RNF216: variants seen among roughly 807,000 people sequenced by gnomAD.
RNF216 encodes ring finger protein 216.
RNF216 carries 72 observed loss-of-function variants against 110.8 expected under a neutral mutation model. That is an observed-to-expected ratio of 0.65 (90% CI 0.54 to 0.79). RNF216 has a LOEUF of 0.79. Among genes scored for constraint, RNF216 ranks in the 30% least tolerant of loss-of-function variants. The probability of loss-of-function intolerance (pLI) is 0.00; values close to 1 mark genes in which losing one functional copy is unlikely to be tolerated. For missense variants in RNF216, 1,342 were observed against 1,141.2 expected (o/e 1.18, Z -2.54); for synonymous variants, 495 against 407.5 (o/e 1.21, Z -2.59).
chr7:5,700,606 T>C (rs985876248), intron 13 of RNF216, among the ~76,000 whole-genome samples: 1 of 152,086 alleles, frequency 6.6e-6, no homozygotes, highest in Non-Finnish European at 1.5e-5. Context: ...AGCTAACTAG[T>C]ACACAAAACC....
intron 1 of RNF216, among the ~76,000 whole-genome samples, chr7:5,762,211 ATTAAAT>A (rs1795971097): frequency 6.6e-6 from 1 of 152,174 alleles, no homozygotes; most frequent in African/African-American, 2.4e-5. Context: ...TTTAAAATAC[ATTAAAT>A]TTAAATATTA....
intron 13 of RNF216, among the ~76,000 whole-genome samples, chr7:5,681,455 G>A (rs1339730120): frequency 6.6e-6 from 1 of 152,210 alleles, no homozygotes; most frequent in Non-Finnish European, 1.5e-5. Flanking sequence ...GCTTCTGGGA[G>A]GAAATCTGTA....
intron 9 of RNF216, among the ~76,000 whole-genome samples, chr7:5,717,208 C>T (rs952776312): frequency 1.2e-4 from 18 of 152,092 alleles, no homozygotes; most frequent in African/African-American, 3.9e-4. Context: ...ACAAAATTAG[C>T]TGGGCATGGT....
At chr7:5,714,618 C>T (rs144222644) in intron 11 of RNF216, among the ~76,000 whole-genome samples, 20 of 152,294 alleles carry the variant, frequency 1.3e-4, no homozygotes, top group South Asian at 6.2e-4. Flanking sequence ...ACCACAAACT[C>T]GGTGGTGTAA....
intron 9 of RNF216, among the ~76,000 whole-genome samples, chr7:5,718,330 G>A (rs1003078825): frequency 1.8e-4 from 28 of 152,222 alleles, no homozygotes; most frequent in East Asian, 5.9e-4. Context: ...GCAGTGAGCC[G>A]AGATCCTGCC....
intron 13 of RNF216, among the ~76,000 whole-genome samples, chr7:5,667,392 C>A (rs1228739566): frequency 6.6e-6 from 1 of 152,136 alleles, no homozygotes; most frequent in African/African-American, 2.4e-5. Flanking sequence ...CACCAAAAGG[C>A]TCATTCTCAC....
At chr7:5,675,150 G>A (rs368278117) in intron 13 of RNF216, among the ~76,000 whole-genome samples, 50 of 152,302 alleles carry the variant, frequency 3.3e-4, no homozygotes, top group African/African-American at 1.1e-3. Flanking sequence ...GAACAATGTA[G>A]TGATTCTGGA....
intron 3 of RNF216, among the ~76,000 whole-genome samples, chr7:5,748,946 G>C (rs1795191410): frequency 6.6e-6 from 1 of 152,020 alleles, no homozygotes; most frequent in African/African-American, 2.4e-5. Flanking sequence ...GTCTATATAT[G>C]CGTTATGTGT....
chr7:5,655,657 A>C (rs1167013763), intron 13 of RNF216, among the ~76,000 whole-genome samples: 12 of 152,182 alleles, frequency 7.9e-5, no homozygotes, highest in Admixed American at 6.5e-4. Context: ...GCTAGATATG[A>C]AACCCACAAT....
At chr7:5,752,754 G>T in intron 3 of RNF216, 92 bp downstream of exon 3, 1 of 1,281,360 alleles carries the variant, frequency 7.8e-7, no homozygotes, top group Non-Finnish European at 1.1e-6. Flanking sequence ...AGTACAAGAG[G>T]TGCTGTTCTA....
intron 13 of RNF216, among the ~76,000 whole-genome samples, chr7:5,670,546 A>G (rs1789838142): frequency 6.6e-6 from 1 of 152,166 alleles, no homozygotes; most frequent in Non-Finnish European, 1.5e-5. Flanking sequence ...AGATTCCATC[A>G]TTTCACAGAA....
At chr7:5,715,736 C>CTTTTTTTT (rs58929486) in intron 10 of RNF216, among the ~76,000 whole-genome samples, 4 of 113,832 alleles carry the variant, frequency 3.5e-5, no homozygotes, top group African/African-American at 9.8e-5. Context: ...CCAACTCATT[C>CTTTTTTTT]TTTTTTTTTT....
intron 15 of RNF216, among the ~76,000 whole-genome samples, chr7:5,638,195 A>G (rs955736845): frequency 6.6e-6 from 1 of 152,204 alleles, no homozygotes; most frequent in Non-Finnish European, 1.5e-5. Context: ...TTCGATGTGA[A>G]AATCTTCCTG....
intron 7 of RNF216, among the ~76,000 whole-genome samples, chr7:5,728,248 C>T (rs1214337734): frequency 1.3e-5 from 2 of 152,172 alleles, no homozygotes; most frequent in Non-Finnish European, 2.9e-5. Context: ...AGGTTGCCTC[C>T]CGTTTTACCC....
In RNF216 at chr7:5,759,108, G is replaced by T. The variant is rs532122584; in HGVS notation, c.67+1895C>A. On this transcript the variant is annotated intron_variant, in intron 2 of 16. Coordinates refer to ENST00000389902, the MANE Select transcript of RNF216 (RefSeq NM_207111.4). ...GTGAGATCTGGTTGTTTAAAAGTGT[G>T]TGGCACCTCTTCCCCAACCCCTCTT... Among the ~76,000 whole-genome samples the T allele has an allele frequency of 4.6e-5, 7 of 152,260 alleles. No homozygotes were observed. In the East Asian group the frequency reaches 1.4e-3, roughly 29 times the overall value.
At position 5,623,010 on chromosome 7, in the gene RNF216, G is replaced by A. The variant is rs1183774006; in HGVS notation, c.2622C>T (p.Asn874=). The change falls in exon 17 of 17, where the codon AAC becomes AAT. Residue 874 remains asparagine, a synonymous_variant. Coordinates refer to ENST00000389902, the MANE Select transcript of RNF216 (RefSeq NM_207111.4). ...TAGGCCCCATGTTGAGTGGGAAGTT[G>A]TTGAACACAGGCCGCACGGGAGGCA... ...FPLPPVRPVF[N]NFPLNMGPIP... 2 of 1,614,138 alleles carry A rather than the reference G, an allele frequency of 1.2e-6. No homozygotes were observed. Among genetic ancestry groups the A allele is most frequent in the South Asian group, 1.1e-5 (1 of 91,082 alleles).
Position 5,741,423 on chromosome 7 carries a change from G to A in RNF216, c.594C>T (p.Asn198=), listed in dbSNP as rs1794751036. The A allele has an allele frequency of 1.2e-6, 2 of 1,614,058 alleles. No homozygotes were observed. Among genetic ancestry groups the A allele is most frequent in the African/African-American group, 1.3e-5 (1 of 74,922 alleles). The change falls in exon 4 of 17, where the codon AAC becomes AAT. Residue 198 remains asparagine (N), a synonymous_variant. Coordinates refer to ENST00000389902, the MANE Select transcript of RNF216 (RefSeq NM_207111.4). ...YTESDPLETQ[N]QSSEDSETEL... is the part of the protein sequence containing the mutation. ...CTGTCTCTGAGTCTTCGGATGACTG[G>A]TTCTGAGTTTCCAAAGGATCGCTTT...
intron 5 of RNF216, among the ~76,000 whole-genome samples, chr7:5,737,656 C>T (rs1428082232): frequency 6.6e-6 from 1 of 152,004 alleles, no homozygotes; most frequent in South Asian, 2.1e-4. Context: ...GAAAAAAGTA[C>T]CTACATTGGG....
In RNF216 at chr7:5,745,705, G is replaced by A. The variant is rs1276768101; in HGVS notation, c.202-3890C>T. Among the ~76,000 whole-genome samples, 8 of 152,126 alleles carry A rather than the reference G, an allele frequency of 5.3e-5. No individual in the cohort carries two copies. The East Asian group carries it at 1.5e-3, about 29-fold the overall frequency. On this transcript the variant is annotated intron_variant, in intron 3 of 16. Transcript: ENST00000389902. ...ACTTGAGGTCAAGAGTTAGAGACCA[G>A]CCTGACCAACATGGTGAAACCCCAT... is the stretch of plus-strand genomic sequence containing the variant.
Sources: allele counts gnomAD v4.1 joint callset (sites outside exome capture counted in the v4.1 genomes callset), GRCh38; gene constraint gnomAD v4.1.1; transcripts MANE v1.5; gene names NCBI Gene and HGNC (gene_info 2026-07-23, HGNC 2026-07-21).